The following SMOC2 variants were observed in gnomAD, a reference collection of about 807,000 sequenced individuals.
SMOC2 encodes SPARC related modular calcium binding 2, also known as SPARC-related modular calcium-binding protein 2.
Under a neutral mutation model 61.4 loss-of-function variants are expected in SMOC2, and 39 were observed. The ratio of observed to expected loss-of-function variants is 0.64; its 90% CI spans 0.49 to 0.83. The LOEUF is 0.83. Among genes scored for constraint, SMOC2 ranks in the 40% least tolerant of loss-of-function variants. The pLI is 0.00. For synonymous variants in SMOC2, 247 were observed against 239.9 expected, an observed-to-expected ratio of 1.03 and a Z score of -0.27; for missense variants, 556 against 592.9, an observed-to-expected ratio of 0.94 and a Z score of 0.65.
At chr6:168,626,468 A>T (rs1428925280) in intron 9 of SMOC2, among the ~76,000 whole-genome samples, 3 of 152,230 alleles carry the variant, frequency 2.0e-5, no homozygotes, top group Non-Finnish European at 4.4e-5. Flanking sequence ...TGAAGAAATC[A>T]GAATCCATGC....
At chr6:168,661,742 C>T (rs1171574393) in intron 11 of SMOC2, among the ~76,000 whole-genome samples, 2 of 152,250 alleles carry the variant, frequency 1.3e-5, no homozygotes, top group Non-Finnish European at 2.9e-5. Flanking sequence ...AAAAAACTGG[C>T]AATTGTTGAA....
rs960455970 is a variant in SMOC2, at chr6:168,603,303, C to G, written c.824+4299C>G. Among the ~76,000 whole-genome samples, 5 of 136,670 alleles carry G rather than the reference C, an allele frequency of 3.7e-5. 1 individual carries two copies. Among genetic ancestry groups the G allele is most frequent in the African/African-American group, 1.4e-4 (5 of 36,198 alleles). The allele number at this position is 136,670 out of a possible 152,430, so 89.7% of individuals were successfully genotyped here. On this transcript the variant is annotated intron_variant, in intron 8 of 12. Transcript: ENST00000356284. ...AGTCTCAGGTATTTCTTCACAGCAG[C>G]ATGAGAACAGATTAATACTGGGGGT... is the stretch of plus-strand genomic sequence containing the variant.
intron 1 of SMOC2, among the ~76,000 whole-genome samples, chr6:168,500,651 C>G (rs1782706648): frequency 6.6e-6 from 1 of 152,190 alleles, no homozygotes; most frequent in Non-Finnish European, 1.5e-5. Context: ...AGCTGCAGCT[C>G]TGGCCAGACA....
chr6:168,618,627 C>T (rs1026084608), intron 9 of SMOC2, among the ~76,000 whole-genome samples: 10 of 151,750 alleles, frequency 6.6e-5, no homozygotes, highest in African/African-American at 2.4e-4. Flanking sequence ...CATTAAGAGG[C>T]GAGTCAAGGA....
chr6:168,624,615 GAGACAC>G (rs1369313779), intron 9 of SMOC2, among the ~76,000 whole-genome samples: 2 of 150,964 alleles, frequency 1.3e-5, no homozygotes, highest in Non-Finnish European at 3.0e-5. Context: ...CAGACACACA[GAGACAC>G]AGACACAGAC....
chr6:168,462,503 G>A (rs1781738976), intron 1 of SMOC2, among the ~76,000 whole-genome samples: 2 of 151,936 alleles, frequency 1.3e-5, no homozygotes, highest in African/African-American at 4.8e-5. Flanking sequence ...TGCTCCAGGA[G>A]GGTGGTCCCC....
rs1488918968 is a variant in SMOC2, at chr6:168,650,924, C to T, written c.1010+141C>T. 4 of 725,478 alleles carry T rather than the reference C, an allele frequency of 5.5e-6. No homozygotes were observed. The African/African-American group carries it at 7.1e-5, about 13-fold the overall frequency. The allele number at this position is 725,478 out of a possible 1,614,324, so 44.9% of individuals were successfully genotyped here. On this transcript the variant is annotated intron_variant, in intron 10 of 12. Transcript: ENST00000356284. ...GCCTTAAAAAGGAGCCTTCTGCAAA[C>T]ACAGGAAGTTGCTTAGCAGGTTTTC...
intron 1 of SMOC2, among the ~76,000 whole-genome samples, chr6:168,473,107 C>T (rs1273480848): frequency 6.6e-6 from 1 of 152,188 alleles, no homozygotes; most frequent in Non-Finnish European, 1.5e-5. Context: ...ATTCAACCTC[C>T]ACCCCTGAAG....
rs181147246 is a variant in SMOC2, at chr6:168,646,467, G to A, written c.908-4214G>A. ...CAGGAGGCGACTGAGGGAGCAGCTG[G>A]GAACTTGTATCCATTTGTATTTAAA... is the stretch of plus-strand genomic sequence containing the variant. On this transcript the variant is annotated intron_variant, in intron 9 of 12. Transcript: ENST00000356284. Among the ~76,000 whole-genome samples, 314 of 152,246 alleles carry A rather than the reference G, an allele frequency of 2.1e-3. 1 individual carries two copies. The highest frequency in any genetic ancestry group is 7.1e-3 in the African/African-American group (294 of 41,522).
At chr6:168,647,852 T>TG (rs1787082249) in intron 9 of SMOC2, among the ~76,000 whole-genome samples, 1 of 152,202 alleles carries the variant, frequency 6.6e-6, no homozygotes, top group Non-Finnish European at 1.5e-5. Context: ...TTCCAGGTCC[T>TG]GGGGTGACTG....
At chr6:168,627,036 A>G (rs1786430267) in intron 9 of SMOC2, among the ~76,000 whole-genome samples, 1 of 152,228 alleles carries the variant, frequency 6.6e-6, no homozygotes, top group Admixed American at 6.5e-5. Context: ...GAGAAGAGAC[A>G]CACTCCAGGC....
chr6:168,638,060 C>T (rs888393780), intron 9 of SMOC2, among the ~76,000 whole-genome samples: 1 of 149,974 alleles, frequency 6.7e-6, no homozygotes. Flanking sequence ...CCCTGCCCTG[C>T]CCCTGCCCCA....
intron 5 of SMOC2, among the ~76,000 whole-genome samples, chr6:168,546,716 A>G (rs996924268): frequency 1.3e-5 from 2 of 151,818 alleles, no homozygotes; most frequent in African/African-American, 4.8e-5. Flanking sequence ...GCTCAACCCC[A>G]CCCCAGTCCC....
rs922737810 is a variant in SMOC2 at position 168,441,254 on chromosome 6, A to G, written c.-117A>G. On this transcript the variant is annotated 5_prime_UTR_variant, in exon 1 of 13. Coordinates refer to ENST00000356284, the MANE Select transcript of SMOC2 (RefSeq NM_001166412.2). ...GGCCGCCGGGAGCGGTGGGGAGAGC[A>G]TCGCGGAGCCGCCCCTCCACGCGCC... The G allele has an allele frequency of 2.1e-5, 29 of 1,356,802 alleles. No homozygotes were observed. Among genetic ancestry groups the G allele is most frequent in the Non-Finnish European group, 2.5e-5 (27 of 1,062,708 alleles). 84.0% of individuals were successfully genotyped at this position (1,356,802 alleles called of 1,614,324 possible).
intron 1 of SMOC2, among the ~76,000 whole-genome samples, chr6:168,489,523 G>T (rs1222284033): frequency 6.9e-6 from 1 of 144,626 alleles, no homozygotes; most frequent in Non-Finnish European, 1.5e-5. Context: ...GGTCCCCTTG[G>T]ATCACACTGT....
intron 9 of SMOC2, among the ~76,000 whole-genome samples, chr6:168,626,458 T>C (rs1414640562): frequency 6.6e-6 from 1 of 152,186 alleles, no homozygotes; most frequent in African/African-American, 2.4e-5. Flanking sequence ...CTATGTTTTA[T>C]GAAGAAATCA....
chr6:168,616,035 C>G (rs908270365), intron 9 of SMOC2, among the ~76,000 whole-genome samples: 1 of 152,174 alleles, frequency 6.6e-6, no homozygotes, highest in Admixed American at 6.5e-5. Context: ...GTAAGGACCT[C>G]GGTGTTTACC....
chr6:168,567,508 T>C (rs186962161), intron 7 of SMOC2, among the ~76,000 whole-genome samples: 2 of 152,330 alleles, frequency 1.3e-5, no homozygotes, highest in Non-Finnish European at 2.9e-5. Context: ...TGCGTGTGTG[T>C]GTGTGTGTCT....
intron 7 of SMOC2, among the ~76,000 whole-genome samples, chr6:168,575,559 G>T (rs1784781486): frequency 6.6e-6 from 1 of 152,144 alleles, no homozygotes; most frequent in Non-Finnish European, 1.5e-5. Flanking sequence ...CTCGCAGGGG[G>T]TGGGTATTTC....
Sources: allele counts gnomAD v4.1 joint callset (sites outside exome capture counted in the v4.1 genomes callset), GRCh38; gene constraint gnomAD v4.1.1; transcripts MANE v1.5; gene names NCBI Gene and HGNC (gene_info 2026-07-23, HGNC 2026-07-21).